CDH13: variants seen among roughly 807,000 people sequenced by gnomAD.
CDH13 encodes the protein cadherin-13.
Under a neutral mutation model 63.8 loss-of-function variants are expected in CDH13, and 24 were observed. The ratio of observed to expected loss-of-function variants is 0.38; its 90% CI spans 0.27 to 0.53. The LOEUF is 0.53. Ranked by LOEUF, CDH13 falls within the 20% of genes least tolerant of loss-of-function variation. CDH13 has a pLI of 0.85. For missense variants in CDH13, 1,049 were observed against 903.1 expected (o/e 1.16, Z -2.07); for synonymous variants, 503 against 355.3 (o/e 1.42, Z -4.67).
intron 2 of CDH13, among the ~76,000 whole-genome samples, chr16:82,877,991 T>C (rs2040565428): frequency 6.6e-6 from 1 of 151,752 alleles, no homozygotes; most frequent in Non-Finnish European, 1.5e-5. Context: ...TATATATGTA[T>C]ATATATTCTC....
chr16:83,008,976 C>T (rs1205914329), intron 2 of CDH13, among the ~76,000 whole-genome samples: 8 of 152,094 alleles, frequency 5.3e-5, no homozygotes, highest in Non-Finnish European at 8.8e-5. Flanking sequence ...CTGAGTGAAG[C>T]GGGAAGCCCC....
At chr16:82,628,676 C>G (rs948819293) in intron 1 of CDH13, among the ~76,000 whole-genome samples, 1 of 152,150 alleles carries the variant, frequency 6.6e-6, no homozygotes, top group Non-Finnish European at 1.5e-5. Context: ...TCCCTACAGC[C>G]TTGAGTCTTG....
chr16:83,124,898 C>A (rs1685546398), intron 3 of CDH13, among the ~76,000 whole-genome samples: 1 of 152,078 alleles, frequency 6.6e-6, no homozygotes, highest in Admixed American at 6.5e-5. Flanking sequence ...TATACCAGTA[C>A]CATCCTGTTT....
At chr16:82,743,273 C>T (rs1229346203) in intron 1 of CDH13, among the ~76,000 whole-genome samples, 2 of 152,196 alleles carry the variant, frequency 1.3e-5, no homozygotes, top group South Asian at 2.1e-4. Flanking sequence ...GCTGCCCAGG[C>T]TGGAGCGCGG....
intron 10 of CDH13, among the ~76,000 whole-genome samples, chr16:83,738,923 T>G (rs1474805078): frequency 2.6e-5 from 4 of 151,752 alleles, no homozygotes; most frequent in South Asian, 4.2e-4. Flanking sequence ...AAAGGGGGGG[T>G]TTAGGAGAAA....
intron 2 of CDH13, chr16:82,990,305 T>A (rs1911501774): frequency 6.6e-6 from 1 of 152,206 alleles, no homozygotes; most frequent in African/African-American, 2.4e-5. Flanking sequence ...TGGCATCATC[T>A]TTTTGTTTCT....
chr16:83,365,839 G>A (rs891015706), intron 6 of CDH13, among the ~76,000 whole-genome samples: 2 of 152,156 alleles, frequency 1.3e-5, no homozygotes, highest in African/African-American at 4.8e-5. Context: ...GGCTGCATGG[G>A]AAGTGTGAGA....
chr16:83,669,194 C>T (rs1914278437), intron 8 of CDH13, among the ~76,000 whole-genome samples: 1 of 152,170 alleles, frequency 6.6e-6, no homozygotes, highest in Admixed American at 6.5e-5. Context: ...ACTGATCTCC[C>T]ATGCGCTCCA....
intron 2 of CDH13, among the ~76,000 whole-genome samples, chr16:82,926,484 A>G (rs1288370103): frequency 6.6e-6 from 1 of 152,194 alleles, no homozygotes; most frequent in Non-Finnish European, 1.5e-5. Context: ...TAAGTTCTGC[A>G]TGACATTCTT....
At chr16:83,146,312 C>G (rs886892715) in intron 4 of CDH13, among the ~76,000 whole-genome samples, 1 of 152,154 alleles carries the variant, frequency 6.6e-6, no homozygotes, top group African/African-American at 2.4e-5. Flanking sequence ...TAGTTGAAGA[C>G]ATTATGTCTA....
At chr16:83,044,921 T>A (rs896056471) in intron 3 of CDH13, among the ~76,000 whole-genome samples, 1 of 152,206 alleles carries the variant, frequency 6.6e-6, no homozygotes, top group Non-Finnish European at 1.5e-5. Context: ...CAAGATAATG[T>A]AATAAAATGT....
At position 82,764,011 on chromosome 16, in the gene CDH13, G is replaced by A. The variant is rs377587240; in HGVS notation, c.46-94351G>A. Among the ~76,000 whole-genome samples, 17 of 152,298 alleles carry A rather than the reference G, an allele frequency of 1.1e-4. No homozygotes were observed. The South Asian group carries it at 1.5e-3, about 13-fold the overall frequency. ...AAAAGGAAAGGGGTAGAGTGACAAG[G>A]ACTGGTTGCATCTCACATTCCAAAC... On this transcript the variant is annotated intron_variant, in intron 1 of 13. Transcript: ENST00000567109.
chr16:83,673,310 A>G (rs1175882295), intron 9 of CDH13, among the ~76,000 whole-genome samples: 1 of 152,236 alleles, frequency 6.6e-6, no homozygotes, highest in East Asian at 1.9e-4. Context: ...TCTTGCCAAC[A>G]TGGATATCCC....
intron 2 of CDH13, among the ~76,000 whole-genome samples, chr16:82,910,757 G>T (rs915934363): frequency 6.6e-6 from 1 of 152,104 alleles, no homozygotes; most frequent in Non-Finnish European, 1.5e-5. Context: ...GTGTTTAAAA[G>T]GATTACCTTT....
In CDH13 at chr16:83,745,131, A is replaced by G. The variant is rs565627325; in HGVS notation, c.1539-2977A>G. The stretch of plus-strand genomic sequence containing the variant: ...GCTGGAAGCTCCTGGAGCGGTGTCC[A>G]GCCGGCGCAATGTAAGGCTCGATGC... On this transcript the variant is annotated intron_variant, in intron 10 of 13. Transcript: ENST00000567109. Among the ~76,000 whole-genome samples the G allele has an allele frequency of 8.5e-5, 13 of 152,342 alleles. No homozygotes were observed. The East Asian group carries it at 2.5e-3, about 29-fold the overall frequency.
chr16:82,897,029 C>T (rs2041294746), intron 2 of CDH13, among the ~76,000 whole-genome samples: 1 of 151,870 alleles, frequency 6.6e-6, no homozygotes, highest in Admixed American at 6.6e-5. Flanking sequence ...GATTTCCTGC[C>T]TCGGCCTCCC....
In CDH13 at chr16:83,779,317, G is replaced by C. The variant is rs142360129; in HGVS notation, c.1682-651G>C. Among the ~76,000 whole-genome samples, 910 of 145,906 alleles carry C rather than the reference G, an allele frequency of 6.2e-3. 13 individuals carry two copies. Among genetic ancestry groups the C allele is most frequent in the African/African-American group, 0.022 (872 of 39,704 alleles). Reference sequence around the variant, plus strand: ...AGCTACTCGGGAGGCTGAGGCAGGGGAATCGCTTGAACCCGGGAGGCGGAG... The same window carrying C: ...AGCTACTCGGGAGGCTGAGGCAGGGCAATCGCTTGAACCCGGGAGGCGGAG... On this transcript the variant is annotated intron_variant, in intron 11 of 13. Coordinates refer to ENST00000567109, the MANE Select transcript of CDH13 (RefSeq NM_001257.5).
At chr16:82,857,204 C>A (rs1239797572) in intron 1 of CDH13, among the ~76,000 whole-genome samples, 1 of 152,164 alleles carries the variant, frequency 6.6e-6, no homozygotes, top group African/African-American at 2.4e-5. Flanking sequence ...AGCTTGTTAA[C>A]CTTTCTAGAA....
chr16:83,704,249 A>G (rs1906675415), intron 10 of CDH13, among the ~76,000 whole-genome samples: 1 of 152,208 alleles, frequency 6.6e-6, no homozygotes, highest in South Asian at 2.1e-4. Flanking sequence ...TGGGGTTTTC[A>G]TTCAGTCAGG....
Sources: gnomAD v4.1 joint callset for allele counts (sites outside exome capture counted in the v4.1 genomes callset) on GRCh38, gnomAD v4.1.1 for gene constraint, MANE v1.5 for transcripts, NCBI Gene and HGNC (gene_info 2026-07-23, HGNC 2026-07-21) for gene names.